Variants in TENM2 observed in about 807,000 individuals in gnomAD.
TENM2 encodes the protein teneurin transmembrane protein 2.
Under a neutral mutation model 245.2 loss-of-function variants are expected in TENM2, and 52 were observed. The ratio of observed to expected loss-of-function variants is 0.21; its 90% confidence interval spans 0.17 to 0.27. The LOEUF is 0.27. Ranked by LOEUF, TENM2 falls within the 10% of genes least tolerant of loss-of-function variation. The pLI, the probability that TENM2 is intolerant of heterozygous loss-of-function variation, is 1.00. For missense variants in TENM2, 3,046 were observed against 3,666.8 expected (o/e 0.83, Z 4.37); for synonymous variants, 1,363 against 1,438.9 (o/e 0.95, Z 1.19).
rs545335402 is a variant in TENM2 at position 167,465,556 on chromosome 5, G to A, written c.502+90083G>A. The stretch of plus-strand genomic sequence containing the variant: ...GATAAGAAACATGCCCGGGCCGGGC[G>A]CGGTGGCTCACGCCTGTAATCCCAG... On this transcript the variant is annotated intron_variant, in intron 2 of 28. Transcript: ENST00000518659. 3.9e-5 allele frequency among the ~76,000 whole-genome samples: 6 copies of A among 152,320 alleles called. No individual in the cohort carries two copies. In the South Asian group the frequency reaches 1.0e-3, roughly 26 times the overall value.
chr5:167,735,989 A>C (rs542462636), intron 2 of TENM2, among the ~76,000 whole-genome samples: 1 of 152,306 alleles, frequency 6.6e-6, no homozygotes, highest in African/African-American at 2.4e-5. Context: ...ATGTTACCAA[A>C]GTGTATTAGT....
At chr5:168,124,788 G>A in intron 10 of TENM2, 62 bp from the exon 13 acceptor site, 1 of 1,479,370 alleles carries the variant, frequency 6.8e-7, no homozygotes, top group South Asian at 1.3e-5. Context: ...CATGTCTCAT[G>A]GTCCATCCTC....
At chr5:167,278,166 T>C in the TENM2 span, among the ~76,000 whole-genome samples, 2 of 152,190 alleles carry the variant, frequency 1.3e-5, no homozygotes, top group Middle Eastern at 3.4e-3. Flanking sequence ...TATCCAGGCA[T>C]GGTGGCACAC....
chr5:167,842,439 A>G (rs923967054), intron 2 of TENM2, among the ~76,000 whole-genome samples: 2 of 151,890 alleles, frequency 1.3e-5, no homozygotes, highest in Admixed American at 6.6e-5. Flanking sequence ...AAATACAAAA[A>G]TTAGCTAGGC....
chr5:167,602,330 C>A (rs567516428), intron 2 of TENM2, among the ~76,000 whole-genome samples: 1 of 152,268 alleles, frequency 6.6e-6, no homozygotes, highest in Non-Finnish European at 1.5e-5. Context: ...AACTCACTGC[C>A]TCATATGAAA....
At chr5:166,982,896 A>T in the TENM2 span, among the ~76,000 whole-genome samples, 1 of 152,048 alleles carries the variant, frequency 6.6e-6, no homozygotes, top group African/African-American at 2.4e-5. Context: ...ACTCTGCTTT[A>T]AGTTTTGTGA....
intron 2 of TENM2, among the ~76,000 whole-genome samples, chr5:167,544,155 C>A (rs1772396034): frequency 6.6e-6 from 1 of 152,110 alleles, no homozygotes. Context: ...GATTCTAAGA[C>A]CTCTACTCAC....
chr5:167,509,426 A>C (rs1428278185), intron 2 of TENM2, among the ~76,000 whole-genome samples: 1 of 152,234 alleles, frequency 6.6e-6, no homozygotes, highest in Non-Finnish European at 1.5e-5. Flanking sequence ...GATTAACTTG[A>C]AAAGTTGCGT....
rs1335384448 is a variant in TENM2, at chr5:167,881,804, C to T, written c.712+5609C>T. Among the ~76,000 whole-genome samples, 8 of 152,220 alleles carry T rather than the reference C, an allele frequency of 5.3e-5. No homozygotes were observed. In the East Asian group the frequency reaches 1.5e-3, roughly 29 times the overall value. ...GTCACAGAAACAGCCATCCCTCTTG[C>T]CCCAAATGCAGAGCCACACAGGACT... On this transcript the variant is annotated intron_variant, in intron 3 of 28. Transcript: ENST00000518659.
the TENM2 span, among the ~76,000 whole-genome samples, chr5:167,098,790 C>T: frequency 5.9e-5 from 9 of 152,184 alleles, no homozygotes; most frequent in Admixed American, 1.3e-4. Flanking sequence ...GCACATTGTT[C>T]GCAAACAATG....
intron 1 of TENM2, among the ~76,000 whole-genome samples, chr5:167,333,094 A>C (rs1757552916): frequency 6.6e-6 from 1 of 152,264 alleles, no homozygotes; most frequent in African/African-American, 2.4e-5. Flanking sequence ...GCCATCAACA[A>C]AGATTAAAGC....
exon 14 of TENM2, chr5:168,190,518 C>T: frequency 6.2e-7 from 1 of 1,613,996 alleles, no homozygotes; most frequent in Non-Finnish European, 8.5e-7. Flanking sequence ...GCACCCACAT[C>T]ATTCCTGGAG....
At chr5:167,310,313 A>G (rs1039666950) in intron 1 of TENM2, among the ~76,000 whole-genome samples, 1 of 152,226 alleles carries the variant, frequency 6.6e-6, no homozygotes, top group African/African-American at 2.4e-5. Context: ...TTCGGATTAT[A>G]GCTTCTCACA....
rs190577368 is a variant in TENM2 at position 168,226,043 on chromosome 5, G to A, written c.5109-45G>A. The A allele has an allele frequency of 6.8e-4, 1,068 of 1,560,700 alleles. 5 individuals are homozygous for A. The Middle Eastern group carries it at 8.4e-3, about 12-fold the overall frequency. The stretch of plus-strand genomic sequence containing the variant: ...TCTTGGGAACACTGTCAGCCCCAAT[G>A]ACTGCTGCTAACCAGGGTTTATCTA... On this transcript the variant is annotated intron_variant, in intron 23 of 28. Transcript: ENST00000518659.
chr5:167,828,300 C>T (rs868721905), intron 2 of TENM2, among the ~76,000 whole-genome samples: 9 of 152,154 alleles, frequency 5.9e-5, no homozygotes, highest in Non-Finnish European at 7.4e-5. Context: ...ATCTCAGCTC[C>T]GATGCTGTCC....
chr5:167,928,895 C>CAAA (rs767167658), intron 3 of TENM2, among the ~76,000 whole-genome samples: 6 of 21,338 alleles, frequency 2.8e-4, no homozygotes, highest in East Asian at 2.0e-3. Context: ...GACCCTGGCT[C>CAAA]AAAAAAAAAA....
At chr5:167,138,548 T>C in the TENM2 span, among the ~76,000 whole-genome samples, 5 of 152,220 alleles carry the variant, frequency 3.3e-5, no homozygotes, top group African/African-American at 4.8e-5. Context: ...GAACTTTACC[T>C]AGCCTCAGTT....
chr5:167,350,664 G>A (rs907246911), intron 1 of TENM2, among the ~76,000 whole-genome samples: 1 of 138,562 alleles, frequency 7.2e-6, no homozygotes, highest in Non-Finnish European at 1.5e-5. Context: ...ATATATATAT[G>A]GGATACATAT....
intron 2 of TENM2, among the ~76,000 whole-genome samples, chr5:167,655,173 G>C (rs1205791740): frequency 1.3e-5 from 2 of 152,062 alleles, no homozygotes; most frequent in Non-Finnish European, 2.9e-5. Context: ...AGAAATATCA[G>C]AATCAAATCA....
Sources: gnomAD v4.1 joint callset for allele counts (sites outside exome capture counted in the v4.1 genomes callset) on GRCh38, gnomAD v4.1.1 for gene constraint, MANE v1.5 for transcripts, NCBI Gene and HGNC (gene_info 2026-07-23, HGNC 2026-07-21) for gene names.